Variants in TMEM161B observed in about 807,000 individuals in gnomAD.
The protein encoded by TMEM161B is transmembrane protein 161B.
Under a neutral mutation model 61.8 loss-of-function variants are expected in TMEM161B, and 34 were observed. That is an observed-to-expected ratio of 0.55 (90% confidence interval 0.42 to 0.73). The LOEUF is 0.73. TMEM161B is among the 30% of genes least tolerant of loss of function. TMEM161B has a pLI of 0.00. For missense variants in TMEM161B, 456 were observed against 558.5 expected, an observed-to-expected ratio of 0.82 and a Z score of 1.85; for synonymous variants, 167 against 192.8, an observed-to-expected ratio of 0.87 and a Z score of 1.11.
intron 4 of TMEM161B, chr5:88,221,491 T>G: frequency 3.5e-6 from 1 of 286,258 alleles, no homozygotes; most frequent in Non-Finnish European, 7.0e-6. Context: ...AGAGAGAGAC[T>G]CCATCTCAAG....
At chr5:88,266,470 C>G (rs1756389792) in intron 1 of TMEM161B, among the ~76,000 whole-genome samples, 1 of 152,128 alleles carries the variant, frequency 6.6e-6, no homozygotes, top group Non-Finnish European at 1.5e-5. Context: ...TAACTATCCT[C>G]AAAAATGTTG....
rs372130826 is a variant in TMEM161B at position 88,256,495 on chromosome 5, G to A, written c.3+12226C>T. Among the ~76,000 whole-genome samples the A allele has an allele frequency of 4.1e-4, 63 of 152,294 alleles. 1 individual carries two copies. In the South Asian group the frequency reaches 5.0e-3, roughly 12 times the overall value. On this transcript the variant is annotated intron_variant, in intron 1 of 11. Transcript: ENST00000296595. ...CCAAAATCAATTAATGAAAAGACAT[G>A]TTTGACATGTACAAATCAGTTTGTT...
chr5:88,241,388 C>T (rs971066183), intron 1 of TMEM161B, among the ~76,000 whole-genome samples: 6 of 151,794 alleles, frequency 4.0e-5, no homozygotes, highest in African/African-American at 1.2e-4. Flanking sequence ...ATCACATAGT[C>T]TAATATAAAC....
chr5:88,235,106 GACA>G (rs1447542551), intron 2 of TMEM161B, among the ~76,000 whole-genome samples: 1 of 151,990 alleles, frequency 6.6e-6, no homozygotes, highest in Non-Finnish European at 1.5e-5. Context: ...AATATTATCA[GACA>G]ACTACAACTC....
chr5:88,189,312 T>C (rs1748564349), downstream of TMEM161B, among the ~76,000 whole-genome samples: 1 of 152,184 alleles, frequency 6.6e-6, no homozygotes, highest in African/African-American at 2.4e-5. Flanking sequence ...CACAGTGAAC[T>C]TCCTCATGCT....
intron 2 of TMEM161B, among the ~76,000 whole-genome samples, chr5:88,235,982 G>C (rs1751779676): frequency 6.6e-6 from 1 of 152,162 alleles, no homozygotes; most frequent in South Asian, 2.1e-4. Flanking sequence ...ATTCCGTTAA[G>C]GGTAGTAGCT....
chr5:88,225,681 A>C (rs984213574), intron 4 of TMEM161B, 88 bp downstream of exon 4: 22 of 795,782 alleles, frequency 2.8e-5, no homozygotes, highest in Non-Finnish European at 3.9e-5. Context: ...TATTCTCTAT[A>C]ATGGACTTAA....
chr5:88,230,209 CAAAA>C (rs1480590616), intron 2 of TMEM161B, among the ~76,000 whole-genome samples: 1 of 151,866 alleles, frequency 6.6e-6, no homozygotes, highest in Admixed American at 6.6e-5. Flanking sequence ...AACAAACAAA[CAAAA>C]AAACTGCAAC....
intron 5 of TMEM161B, among the ~76,000 whole-genome samples, chr5:88,218,340 C>T (rs1381015681): frequency 6.6e-6 from 1 of 152,078 alleles, no homozygotes; most frequent in Non-Finnish European, 1.5e-5. Context: ...TTTTCTAGAA[C>T]TCAAGAACAT....
intron 8 of TMEM161B, among the ~76,000 whole-genome samples, chr5:88,205,082 G>A (rs1745198796): frequency 6.6e-6 from 1 of 152,138 alleles, no homozygotes; most frequent in African/African-American, 2.4e-5. Flanking sequence ...ACTTTGATCT[G>A]CATATGATTT....
chr5:88,220,573 A>T lies in TMEM161B; in HGVS notation c.436T>A (p.Ser146Thr). The T allele has an allele frequency of 6.4e-7, 1 of 1,572,482 alleles. No homozygotes were observed. Among genetic ancestry groups the T allele is most frequent in the Non-Finnish European group, 8.6e-7 (1 of 1,166,476 alleles). ...TGTTTTGAAGGATACATTGCAAAAG[A>T]CAAAACAAGTAGGCACCAGACTAAG... ...ISLVWCLLVL[S>T]FAIKVLFSLT... Residue 146 changes from serine (S) to threonine (T), a missense_variant, in exon 5 of 12, where the codon TCT becomes ACT. Around this residue, in one of 3 missense-constraint regions of TMEM161B, gnomAD observed 367 missense variants for 427.3 expected, o/e 0.86. Transcript: ENST00000296595.
chr5:88,231,809 T>C (rs1039522052), intron 2 of TMEM161B, among the ~76,000 whole-genome samples: 2 of 152,130 alleles, frequency 1.3e-5, no homozygotes, highest in Non-Finnish European at 2.9e-5. Flanking sequence ...CAGGGTTAGG[T>C]TCCTGCGAGC....
chr5:88,251,742 T>C (rs390856), intron 1 of TMEM161B, among the ~76,000 whole-genome samples: 119,691 of 152,100 alleles, frequency 0.79, 47,235 homozygotes, highest in South Asian at 0.86. Flanking sequence ...ATCCAAATTA[T>C]GTCGCCACAG....
At chr5:88,241,461 G>T (rs1181411209) in intron 1 of TMEM161B, among the ~76,000 whole-genome samples, 1 of 151,754 alleles carries the variant, frequency 6.6e-6, no homozygotes, top group East Asian at 1.9e-4. Context: ...ATAAATTAAG[G>T]ATATCAAAAT....
chr5:88,266,345 T>C (rs551063736), intron 1 of TMEM161B, among the ~76,000 whole-genome samples: 23 of 152,310 alleles, frequency 1.5e-4, no homozygotes, highest in African/African-American at 5.1e-4. Flanking sequence ...GTACTATCTA[T>C]GTGACTTATG....
intron 5 of TMEM161B, among the ~76,000 whole-genome samples, chr5:88,214,356 C>T (rs1054692060): frequency 5.3e-5 from 8 of 151,994 alleles, no homozygotes; most frequent in African/African-American, 1.9e-4. Context: ...GAAGCTTTAT[C>T]ACTCTTTGTA....
At chr5:88,236,386 A>C (rs767334496) in intron 2 of TMEM161B, among the ~76,000 whole-genome samples, 16 of 152,186 alleles carry the variant, frequency 1.1e-4, no homozygotes, top group African/African-American at 1.4e-4. Flanking sequence ...TGCAAAACCC[A>C]CTATTCAAAT....
chr5:88,240,667 AT>A, intron 2 of TMEM161B, 145 bp downstream of exon 2: 1 of 686,826 alleles, frequency 1.5e-6, no homozygotes. Flanking sequence ...AAAAAAAAAA[AT>A]TAATTTTTTA....
intron 1 of TMEM161B, among the ~76,000 whole-genome samples, chr5:88,264,337 A>G (rs1041199999): frequency 1.3e-5 from 2 of 152,236 alleles, no homozygotes; most frequent in African/African-American, 4.8e-5. Context: ...AAAAAAGCTC[A>G]TCGTCATTGG....
Sources: allele counts gnomAD v4.1 joint callset (sites outside exome capture counted in the v4.1 genomes callset), GRCh38; gene constraint gnomAD v4.1.1; regional missense constraint gnomAD v4.1.1; transcripts MANE v1.5; gene names NCBI Gene and HGNC (gene_info 2026-07-23, HGNC 2026-07-21).